Variants in NOMO2 observed in about 807,000 individuals in gnomAD.
NOMO2 encodes the protein NODAL modulator 2.
NOMO2 carries 14 observed loss-of-function variants against 67.1 expected under a neutral mutation model. The observed-to-expected ratio is 0.21, with a 90% CI of 0.14 to 0.33. NOMO2 has a LOEUF of 0.33. Ranked by LOEUF, NOMO2 falls within the 10% of genes least tolerant of loss-of-function variation. The pLI is 1.00. For synonymous variants in NOMO2, 80 were observed against 305.9 expected, an observed-to-expected ratio of 0.26 and a Z score of 7.71; for missense variants, 178 against 761.0, an observed-to-expected ratio of 0.23 and a Z score of 9.01.
At chr16:18,556,654 T>C (rs1008791572) in intron 2 of NOMO2, among the ~76,000 whole-genome samples, 1 of 152,050 alleles carries the variant, frequency 6.6e-6, no homozygotes. Context: ...TTCCTATGAA[T>C]CTGTATTTCC....
At chr16:18,538,461 C>T in intron 11 of NOMO2, 65 bp downstream of exon 11, 1 of 1,593,816 alleles carries the variant, frequency 6.3e-7, no homozygotes. Flanking sequence ...GATCACAGGT[C>T]ATTTGGTTCT....
chr16:18,531,639 G>A (rs1172685017), intron 12 of NOMO2, 32 bp from the exon 13 acceptor site: 2 of 1,611,190 alleles, frequency 1.2e-6, no homozygotes, highest in Non-Finnish European at 1.7e-6. Flanking sequence ...GTTAGAGGCT[G>A]CATTCGGGGA....
intron 1 of NOMO2, chr16:18,558,769 C>T (rs1029003075): frequency 1.6e-5 from 7 of 449,420 alleles, no homozygotes; most frequent in Non-Finnish European, 3.2e-5. Flanking sequence ...TGGGCAAGCT[C>T]GTGTTCGGTT....
chr16:18,545,058 T>C (rs1033948663), intron 6 of NOMO2, among the ~76,000 whole-genome samples: 3 of 131,688 alleles, frequency 2.3e-5, no homozygotes, highest in Non-Finnish European at 3.2e-5. Context: ...TCAAAATCTC[T>C]TCTATTTATA....
At position 18,554,791 on chromosome 16, in the gene NOMO2, G is replaced by A; in HGVS notation, c.301+16C>T. ...TAATCTTTTACAAAGAATGTCTAGT[G>A]ATTCAGTTAACTTACCAAAACTCCA... On this transcript the variant is annotated intron_variant, in intron 3 of 30. Transcript: ENST00000622306. 3.0e-6 allele frequency: 1 copy of A among 329,556 alleles called. No individual in the cohort carries two copies. The highest frequency in any genetic ancestry group is 5.2e-6 in the Non-Finnish European group (1 of 193,494). 20.4% of individuals were successfully genotyped at this position (329,556 alleles called of 1,614,324 possible).
intron 14 of NOMO2, among the ~76,000 whole-genome samples, chr16:18,530,109 C>A (rs1901262380): frequency 9.5e-6 from 1 of 105,664 alleles, no homozygotes. Flanking sequence ...CAGAGCGAGG[C>A]TAAATTTCAA....
intron 5 of NOMO2, among the ~76,000 whole-genome samples, 193 bp from the exon 6 acceptor site, chr16:18,547,493 AC>A (rs1284527356): frequency 2.0e-5 from 3 of 151,944 alleles, no homozygotes; most frequent in Non-Finnish European, 2.9e-5. Context: ...TTGAGCACTT[AC>A]TGTGTGTCAA....
At position 18,533,119 on chromosome 16, in the gene NOMO2, A is replaced by G. The variant is rs750490525; in HGVS notation, c.1281T>C (p.Asn427=). Residue 427 remains asparagine, a synonymous_variant, in exon 12 of 31, where the codon AAT becomes AAC. Transcript: ENST00000622306. ...GAGATGACAGGACAACTTTGTATTTATTCATCTGCTTGACGGTGTCCGGGA... is the reference window on the plus strand; with the variant it reads ...GAGATGACAGGACAACTTTGTATTTGTTCATCTGCTTGACGGTGTCCGGGA... ...IRFPDTVKQM[N]KYKVVLSSQD... The G allele has an allele frequency of 3.1e-6, 5 of 1,611,402 alleles. No homozygotes were observed. The South Asian group carries it at 3.3e-5, about 11-fold the overall frequency.
At chr16:18,561,579 G>A (rs896203589) in intron 1 of NOMO2, among the ~76,000 whole-genome samples, 1 of 150,818 alleles carries the variant, frequency 6.6e-6, no homozygotes, top group Non-Finnish European at 1.5e-5. Flanking sequence ...GGGCTCCAGG[G>A]AATTTAGGGT....
chr16:18,545,435 A>G (rs1280017346), intron 6 of NOMO2, among the ~76,000 whole-genome samples: 1 of 151,912 alleles, frequency 6.6e-6, no homozygotes, highest in Non-Finnish European at 1.5e-5. Flanking sequence ...CAGAAGAGAA[A>G]AACCCCCAAA....
intron 16 of NOMO2, among the ~76,000 whole-genome samples, chr16:18,526,137 G>A (rs914446707): frequency 2.0e-5 from 3 of 151,802 alleles, no homozygotes; most frequent in Non-Finnish European, 2.9e-5. Flanking sequence ...TCAGGTTAAG[G>A]AGTTTGTATT....
At chr16:18,540,637 G>A (rs1234663097) in intron 9 of NOMO2, among the ~76,000 whole-genome samples, 1 of 151,604 alleles carries the variant, frequency 6.6e-6, no homozygotes, top group Non-Finnish European at 1.5e-5. Context: ...AAAATGCAGA[G>A]TCTGCACCCC....
intron 16 of NOMO2, among the ~76,000 whole-genome samples, chr16:18,527,210 C>A: frequency 1.5e-5 from 2 of 129,914 alleles, no homozygotes; most frequent in African/African-American, 2.8e-5. Context: ...AGCAAGACTC[C>A]ATCTCAAAAA....
chr16:18,536,854 C>T (rs1187114232), intron 11 of NOMO2, among the ~76,000 whole-genome samples: 2 of 152,068 alleles, frequency 1.3e-5, no homozygotes, highest in African/African-American at 4.8e-5. Flanking sequence ...GTCTTCCATT[C>T]ACCACTGGAC....
At chr16:18,551,843 T>A (rs1316262191) in intron 3 of NOMO2, among the ~76,000 whole-genome samples, 1 of 151,906 alleles carries the variant, frequency 6.6e-6, no homozygotes, top group African/African-American at 2.4e-5. Flanking sequence ...CCAGGGAAAA[T>A]TCAGTGAGCA....
chr16:18,561,195 A>ACC lies in NOMO2; in HGVS notation c.165+680_165+681insGG, dbSNP rs1411856643. On this transcript the variant is annotated intron_variant, in intron 1 of 30. Transcript: ENST00000622306. ...AATTAAAAAAAAAAAAAAAAAAAAA[A>ACC]AAAAAAAAAAAACCTTTACAAATCT... Among the ~76,000 whole-genome samples the ACC allele has an allele frequency of 4.9e-4, 49 of 100,424 alleles. 1 individual carries two copies. Among genetic ancestry groups the ACC allele is most frequent in the Admixed American group, 8.9e-4 (7 of 7,902 alleles). The allele number at this position is 100,424 out of a possible 152,430, so 65.9% of individuals were successfully genotyped here.
intron 16 of NOMO2, among the ~76,000 whole-genome samples, chr16:18,524,810 G>A (rs1436660950): frequency 7.5e-6 from 1 of 133,074 alleles, no homozygotes; most frequent in East Asian, 2.1e-4. Flanking sequence ...ACTCACAGTA[G>A]TTAAATCTGC....
At chr16:18,533,751 G>A (rs1901358861) in intron 11 of NOMO2, 1 of 153,522 alleles carries the variant, frequency 6.5e-6, no homozygotes, top group Admixed American at 6.4e-5. Context: ...GAACTCCTTG[G>A]GAGGTAGGAG....
intron 9 of NOMO2, among the ~76,000 whole-genome samples, chr16:18,540,557 G>T (rs979142332): frequency 2.0e-5 from 3 of 151,294 alleles, no homozygotes; most frequent in African/African-American, 4.9e-5. Context: ...CAAAGTAAAG[G>T]CTTCATCTTC....
Sources: allele counts gnomAD v4.1 joint callset (sites outside exome capture counted in the v4.1 genomes callset), GRCh38; gene constraint gnomAD v4.1.1; transcripts MANE v1.5; gene names NCBI Gene and HGNC (gene_info 2026-07-23, HGNC 2026-07-21).